Variants in MAPKAP1 observed in about 807,000 individuals in gnomAD.
MAPKAP1 encodes MAPK associated protein 1.
A neutral mutation model predicts 65.7 loss-of-function variants in MAPKAP1; 20 were observed. The observed-to-expected ratio is 0.30, with a 90% CI of 0.21 to 0.44. The LOEUF (loss-of-function observed/expected upper bound fraction) is 0.44, where lower values mean the gene tolerates loss of function less well. Ranked by LOEUF, MAPKAP1 falls within the 20% of genes least tolerant of loss-of-function variation. The probability of loss-of-function intolerance (pLI) is 1.00; values close to 1 mark genes in which losing one functional copy is unlikely to be tolerated. For synonymous variants in MAPKAP1, 222 were observed against 244.3 expected, an observed-to-expected ratio of 0.91 and a Z score of 0.85; for missense variants, 423 against 648.0, an observed-to-expected ratio of 0.65 and a Z score of 3.77.
chr9:125,662,408 G>A (rs1194033788), intron 3 of MAPKAP1, among the ~76,000 whole-genome samples: 1 of 152,176 alleles, frequency 6.6e-6, no homozygotes, highest in Admixed American at 6.5e-5. Context: ...TCCTGACTGG[G>A]CACGGTGGCT....
At chr9:125,502,597 C>T (rs530711081) in intron 8 of MAPKAP1, among the ~76,000 whole-genome samples, 1 of 152,218 alleles carries the variant, frequency 6.6e-6, no homozygotes, top group East Asian at 1.9e-4. Context: ...ATATGCAGAT[C>T]TTCTAGTTGT....
At chr9:125,607,086 G>C (rs528147121) in intron 4 of MAPKAP1, among the ~76,000 whole-genome samples, 28 of 152,276 alleles carry the variant, frequency 1.8e-4, no homozygotes, top group Non-Finnish European at 2.9e-4. Flanking sequence ...TTGAAAGAAT[G>C]AATGAAATGG....
chr9:125,639,526 T>C (rs1366256986), intron 4 of MAPKAP1, among the ~76,000 whole-genome samples: 1 of 152,176 alleles, frequency 6.6e-6, no homozygotes, highest in Non-Finnish European at 1.5e-5. Flanking sequence ...ATTAAAATTG[T>C]TTAAATTCTC....
At chr9:125,706,378 T>G (rs898122469) in intron 1 of MAPKAP1, among the ~76,000 whole-genome samples, 1 of 152,072 alleles carries the variant, frequency 6.6e-6, no homozygotes, top group African/African-American at 2.4e-5. Flanking sequence ...CCAAAGTGAC[T>G]TTCATTCATT....
At chr9:125,672,768 A>T in intron 1 of MAPKAP1, 125 bp from the exon 2 acceptor site, 1 of 643,034 alleles carries the variant, frequency 1.6e-6, no homozygotes, top group Non-Finnish European at 2.7e-6. Context: ...TGTTCTGTGG[A>T]GCTTAAAAGG....
chr9:125,611,078 G>A (rs1426443108), intron 4 of MAPKAP1, among the ~76,000 whole-genome samples: 3 of 152,162 alleles, frequency 2.0e-5, no homozygotes, highest in Non-Finnish European at 2.9e-5. Flanking sequence ...GGAGAATGTC[G>A]CTAGGAGTGA....
rs549239992 is a variant in MAPKAP1, at chr9:125,583,979, C to T, written c.671+1576G>A. On this transcript the variant is annotated intron_variant, in intron 5 of 11. Transcript: ENST00000265960. ...TCGGGAGGCTGAGGTAGGAGAATGG[C>T]GTGAACCCGGGAGGCGGAGCCTGCA... Among the ~76,000 whole-genome samples the T allele has an allele frequency of 1.1e-4, 17 of 151,920 alleles. No individual in the cohort carries two copies. The South Asian group carries it at 3.3e-3, about 30-fold the overall frequency.
chr9:125,577,100 A>G (rs1197969927), intron 5 of MAPKAP1, among the ~76,000 whole-genome samples: 11 of 142,580 alleles, frequency 7.7e-5, no homozygotes, highest in African/African-American at 2.4e-4. Flanking sequence ...CCGCCATCCC[A>G]TCTAGGAAGT....
intron 7 of MAPKAP1, among the ~76,000 whole-genome samples, chr9:125,509,627 A>C (rs1829243165): frequency 6.6e-6 from 1 of 152,172 alleles, no homozygotes; most frequent in African/African-American, 2.4e-5. Flanking sequence ...GCAACCGTGC[A>C]CCCTGGCATG....
At chr9:125,457,466 T>C (rs995806865) in intron 10 of MAPKAP1, among the ~76,000 whole-genome samples, 5 of 152,238 alleles carry the variant, frequency 3.3e-5, no homozygotes, top group African/African-American at 1.2e-4. Flanking sequence ...ACTCTTCTGG[T>C]TCTATTTTAT....
intron 3 of MAPKAP1, among the ~76,000 whole-genome samples, chr9:125,665,817 T>C (rs1252884351): frequency 6.6e-6 from 1 of 152,198 alleles, no homozygotes; most frequent in Non-Finnish European, 1.5e-5. Flanking sequence ...AAACCAATAA[T>C]AGAAGTTACA....
rs1020922265 is a variant in MAPKAP1, at chr9:125,568,348, GT to G, written c.672-8540del. 2.6e-3 allele frequency among the ~76,000 whole-genome samples: 402 copies of G among 152,258 alleles called. 1 individual carries two copies. The highest frequency in any genetic ancestry group is 8.8e-3 in the African/African-American group (364 of 41,546). ...TGTACTGGATCGTGGGATATGAGGA[GT>G]TTTTTCCTTCCTAAAAGGGGAAACT... On this transcript the variant is annotated intron_variant, in intron 5 of 11. Transcript: ENST00000265960.
intron 5 of MAPKAP1, among the ~76,000 whole-genome samples, chr9:125,579,966 T>C (rs559606972): frequency 2.0e-5 from 3 of 152,332 alleles, no homozygotes; most frequent in African/African-American, 4.8e-5. Context: ...ATAATTGTAG[T>C]CCAATATCAA....
intron 3 of MAPKAP1, among the ~76,000 whole-genome samples, chr9:125,667,759 C>T (rs1031842444): frequency 2.6e-5 from 4 of 151,836 alleles, no homozygotes; most frequent in South Asian, 2.1e-4. Flanking sequence ...AAGTGAAGAA[C>T]GCAAATAAAG....
intron 4 of MAPKAP1, among the ~76,000 whole-genome samples, chr9:125,622,445 T>G (rs990851366): frequency 6.6e-6 from 1 of 152,094 alleles, no homozygotes; most frequent in Admixed American, 6.6e-5. Context: ...TTATTTTATA[T>G]TTTATTTTAT....
chr9:125,450,876 T>G (rs562660397), intron 10 of MAPKAP1, among the ~76,000 whole-genome samples: 39 of 152,224 alleles, frequency 2.6e-4, no homozygotes, highest in Non-Finnish European at 4.9e-4. Context: ...CCCTCCTGGT[T>G]GGGTCTCCTC....
At chr9:125,512,618 G>A (rs1282565605) in intron 7 of MAPKAP1, among the ~76,000 whole-genome samples, 1 of 151,554 alleles carries the variant, frequency 6.6e-6, no homozygotes, top group African/African-American at 2.4e-5. Context: ...GTCTTGCTCT[G>A]TCGCCCAGGT....
intron 3 of MAPKAP1, among the ~76,000 whole-genome samples, chr9:125,664,203 C>T (rs1214627907): frequency 1.3e-5 from 2 of 150,914 alleles, no homozygotes; most frequent in African/African-American, 4.9e-5. Context: ...AAAAATTAGC[C>T]GGGCATGGTG....
intron 4 of MAPKAP1, among the ~76,000 whole-genome samples, chr9:125,647,107 G>T (rs1250300000): frequency 1.3e-5 from 2 of 152,310 alleles, no homozygotes; most frequent in Non-Finnish European, 2.9e-5. Flanking sequence ...AAAATGAATT[G>T]TAGCTAAATG....
Sources: gnomAD v4.1 joint callset for allele counts (sites outside exome capture counted in the v4.1 genomes callset) on GRCh38, gnomAD v4.1.1 for gene constraint, MANE v1.5 for transcripts, NCBI Gene and HGNC (gene_info 2026-07-23, HGNC 2026-07-21) for gene names.